LEMD1: variants seen among roughly 807,000 people sequenced by gnomAD.
LEMD1 encodes the protein LEM domain containing 1.
Under a neutral mutation model 17.4 loss-of-function variants are expected in LEMD1, and 18 were observed. The ratio of observed to expected loss-of-function variants is 1.04; its 90% confidence interval spans 0.72 to 1.54. LEMD1 has a LOEUF of 1.54. Among genes scored for constraint, LEMD1 ranks in the 40% most tolerant of loss-of-function variants. LEMD1 has a pLI of 0.00. For synonymous variants in LEMD1, 88 were observed against 77.8 expected (o/e 1.13, Z -0.69); for missense variants, 195 against 210.4 (o/e 0.93, Z 0.45).
At chr1:205,445,607 G>T (rs1399551909) in intron 1 of LEMD1, among the ~76,000 whole-genome samples, 1 of 152,144 alleles carries the variant, frequency 6.6e-6, no homozygotes, top group Non-Finnish European at 1.5e-5. Context: ...TTTCCAGACT[G>T]CAAGGGCAGC....
intron 4 of LEMD1, among the ~76,000 whole-genome samples, chr1:205,392,713 G>A (rs1664400941): frequency 6.6e-6 from 1 of 152,150 alleles, no homozygotes. Flanking sequence ...AGGGTCTCAT[G>A]AGACTGTAAT....
intron 1 of LEMD1, among the ~76,000 whole-genome samples, chr1:205,438,887 C>T (rs75402516): frequency 0.044 from 6,672 of 152,282 alleles, 182 homozygotes; most frequent in East Asian, 0.071. Context: ...CCTGCCAAGG[C>T]CTGAGAGGCG....
chr1:205,449,504 G>A (rs988398858), intron 1 of LEMD1, among the ~76,000 whole-genome samples: 1 of 152,086 alleles, frequency 6.6e-6, no homozygotes, highest in African/African-American at 2.4e-5. Flanking sequence ...AACACTTGCT[G>A]GCTCCCTGCA....
At chr1:205,395,594 CA>C (rs11365761) in intron 4 of LEMD1, among the ~76,000 whole-genome samples, 120,798 of 129,254 alleles carry the variant, frequency 0.93, 56,423 homozygotes, top group East Asian at 0.98. Context: ...AATTCTGTCT[CA>C]AAAAAAAAAA....
chr1:205,434,362 TTA>T (rs199923008), intron 1 of LEMD1, among the ~76,000 whole-genome samples: 11 of 144,602 alleles, frequency 7.6e-5, no homozygotes, highest in Non-Finnish European at 1.4e-4. Context: ...TATATATATA[TTA>T]TATATATATA....
chr1:205,426,149 T>C (rs1666052506), upstream of LEMD1, among the ~76,000 whole-genome samples: 1 of 152,176 alleles, frequency 6.6e-6, no homozygotes, highest in African/African-American at 2.4e-5. Context: ...AGCTGCTGCT[T>C]AAAACCTAAA....
intron 4 of LEMD1, among the ~76,000 whole-genome samples, chr1:205,412,784 A>G (rs563029773): frequency 6.6e-6 from 1 of 152,322 alleles, no homozygotes; most frequent in South Asian, 2.1e-4. Flanking sequence ...CTTCCTATTT[A>G]ATTCTATTGC....
intron 3 of LEMD1, among the ~76,000 whole-genome samples, chr1:205,417,239 G>A (rs1270386722): frequency 2.0e-5 from 3 of 152,228 alleles, no homozygotes; most frequent in Admixed American, 1.3e-4. Flanking sequence ...TCGACCTGAT[G>A]GCCCGTAGTT....
At chr1:205,447,761 G>A (rs985572503) in intron 1 of LEMD1, among the ~76,000 whole-genome samples, 1 of 151,832 alleles carries the variant, frequency 6.6e-6, no homozygotes, top group African/African-American at 2.4e-5. Context: ...CCGGGGGAGC[G>A]CCTGCCTTCC....
intron 1 of LEMD1, among the ~76,000 whole-genome samples, chr1:205,428,659 T>C (rs4951221): frequency 4.6e-5 from 7 of 152,140 alleles, no homozygotes; most frequent in African/African-American, 1.4e-4. Context: ...GGGAGGACCA[T>C]GTGTGTGTTC....
chr1:205,400,848 C>CCT (rs1553393671), intron 4 of LEMD1, among the ~76,000 whole-genome samples: 1 of 112,212 alleles, frequency 8.9e-6, no homozygotes, highest in East Asian at 4.5e-4. Flanking sequence ...ATCCCTCCCC[C>CCT]CCCCCACCCC....
intron 4 of LEMD1, among the ~76,000 whole-genome samples, chr1:205,400,843 T>TCCCCCCCCC (rs58251224): frequency 2.8e-4 from 22 of 79,678 alleles, no homozygotes; most frequent in African/African-American, 3.8e-4. Flanking sequence ...ATGCTATCCC[T>TCCCCCCCCC]CCCCCCCCCC....
At chr1:205,430,491 C>T (rs1404297289) in intron 1 of LEMD1, among the ~76,000 whole-genome samples, 2 of 152,182 alleles carry the variant, frequency 1.3e-5, no homozygotes, top group Non-Finnish European at 1.5e-5. Context: ...CAACCAAAGT[C>T]ATCCAGAGGA....
intron 3 of LEMD1, among the ~76,000 whole-genome samples, chr1:205,416,736 C>T (rs372581804): frequency 5.9e-5 from 9 of 152,070 alleles, no homozygotes; most frequent in Admixed American, 2.0e-4. Context: ...CTGCTAGGGA[C>T]GGAAAAGGAT....
intron 1 of LEMD1, among the ~76,000 whole-genome samples, chr1:205,442,474 T>C (rs1666311216): frequency 6.6e-6 from 1 of 152,192 alleles, no homozygotes; most frequent in African/African-American, 2.4e-5. Context: ...AAAACTTCCT[T>C]CGTGTTTCTC....
intron 1 of LEMD1, among the ~76,000 whole-genome samples, chr1:205,445,594 A>C (rs1235498694): frequency 1.2e-5 from 1 of 81,084 alleles, no homozygotes; most frequent in East Asian, 8.4e-4. Flanking sequence ...AGCTCCCTCC[A>C]CTTTTCCAGA....
upstream of LEMD1, among the ~76,000 whole-genome samples, chr1:205,422,619 T>C (rs1054323773): frequency 4.6e-5 from 6 of 130,268 alleles, no homozygotes; most frequent in African/African-American, 1.5e-4. Flanking sequence ...ATCATCTACA[T>C]CGCAAAAGCC....
chr1:205,425,668 A>T (rs1325156574), upstream of LEMD1, among the ~76,000 whole-genome samples: 1 of 152,204 alleles, frequency 6.6e-6, no homozygotes, highest in African/African-American at 2.4e-5. Context: ...AAGAGTAAAC[A>T]GAGCCTTTAC....
intron 4 of LEMD1, among the ~76,000 whole-genome samples, chr1:205,389,221 G>T (rs1664215302): frequency 6.6e-6 from 1 of 151,626 alleles, no homozygotes. Context: ...GCTAATTTTT[G>T]TATTTTTAGT....
Sources: gnomAD v4.1 joint callset for allele counts (sites outside exome capture counted in the v4.1 genomes callset) on GRCh38, gnomAD v4.1.1 for gene constraint, MANE v1.5 for transcripts, NCBI Gene and HGNC (gene_info 2026-07-23, HGNC 2026-07-21) for gene names.